The following PLEKHM3 variants were observed in gnomAD, a reference collection of about 807,000 sequenced individuals.
The protein encoded by PLEKHM3 is pleckstrin homology domain containing M3, also known as pleckstrin homology domain-containing family M member 3.
PLEKHM3 carries 45 observed loss-of-function variants against 81.8 expected under a neutral mutation model. That is an observed-to-expected ratio of 0.55 (90% CI 0.43 to 0.71). PLEKHM3 has a LOEUF of 0.71. PLEKHM3 is among the 30% of genes least tolerant of loss of function. The probability of loss-of-function intolerance (pLI) is 0.00; values close to 1 mark genes in which losing one functional copy is unlikely to be tolerated. For missense variants in PLEKHM3, 788 were observed against 924.3 expected (o/e 0.85, Z 1.91); for synonymous variants, 352 against 356.4 (o/e 0.99, Z 0.14).
intron 7 of PLEKHM3, among the ~76,000 whole-genome samples, chr2:207,839,981 A>C (rs908398764): frequency 6.6e-6 from 1 of 152,210 alleles, no homozygotes; most frequent in Admixed American, 6.5e-5. Context: ...CTCTAGACTT[A>C]GTGAATCATA....
At chr2:207,864,388 C>A (rs1270481081) in intron 6 of PLEKHM3, among the ~76,000 whole-genome samples, 1 of 152,160 alleles carries the variant, frequency 6.6e-6, no homozygotes, top group African/African-American at 2.4e-5. Context: ...CTTTTTAATG[C>A]GTGATGGGGT....
rs575174224 is a variant in PLEKHM3, at chr2:207,835,315, C to T, written c.2109-6819G>A. On this transcript the variant is annotated intron_variant, in intron 7 of 7. Coordinates refer to ENST00000427836, the MANE Select transcript of PLEKHM3 (RefSeq NM_001080475.3). ...GGGGTACTTACTACAGAGAGTAGAC[C>T]TCAGCTTGAGTGAGGAGCCCCGAGT... is the stretch of plus-strand genomic sequence containing the variant. Among the ~76,000 whole-genome samples the T allele has an allele frequency of 2.2e-4, 34 of 152,218 alleles. No homozygotes were observed. In the Middle Eastern group the frequency reaches 0.01, roughly 46 times the overall value.
chr2:207,863,138 G>C (rs141560061), intron 6 of PLEKHM3, among the ~76,000 whole-genome samples: 2 of 152,204 alleles, frequency 1.3e-5, no homozygotes, highest in East Asian at 1.9e-4. Context: ...GCATTTCTTC[G>C]AGGTCCAAGG....
Position 207,977,377 on chromosome 2 carries a change from T to C in PLEKHM3, c.820A>G (p.Arg274Gly). ...TCATACAAAACAGTATCCACCATCCTGGCCTCCAGGTTGCCTAAAACAGAT... is the reference window on the plus strand; with the variant it reads ...TCATACAAAACAGTATCCACCATCCCGGCCTCCAGGTTGCCTAAAACAGAT... Reference protein sequence around the residue: ...SISVLGNLEARMVDTVLYDNT... With the variant: ...SISVLGNLEAGMVDTVLYDNT... Residue 274 changes from arginine to glycine, a missense_variant, in exon 3 of 8, where the codon AGG (arginine) becomes GGG (glycine). Physicochemically the swap from Arg to Gly is moderately radical, Grantham distance 125. Transcript: ENST00000427836. The C allele has an allele frequency of 1.2e-6, 2 of 1,614,182 alleles. No homozygotes were observed. The highest frequency in any genetic ancestry group is 1.1e-5 in the South Asian group (1 of 91,088).
At chr2:207,878,699 T>G in intron 6 of PLEKHM3, among the ~76,000 whole-genome samples, 1 of 152,204 alleles carries the variant, frequency 6.6e-6, no homozygotes, top group East Asian at 1.9e-4. Context: ...GGGATAAAAC[T>G]GAGGCTTAGA....
At chr2:207,880,635 C>T (rs1433494011) in intron 6 of PLEKHM3, among the ~76,000 whole-genome samples, 6 of 144,088 alleles carry the variant, frequency 4.2e-5, no homozygotes, top group Admixed American at 1.4e-4. Context: ...TGTTGGCGGG[C>T]GCCTGTAGTC....
At chr2:207,858,174 G>GTATA (rs1553544950) in intron 7 of PLEKHM3, among the ~76,000 whole-genome samples, 2 of 123,254 alleles carry the variant, frequency 1.6e-5, no homozygotes, top group Admixed American at 8.2e-5. Flanking sequence ...GTGTGTGTGT[G>GTATA]TATATATTTT....
At chr2:207,919,139 G>A (rs1020518105) in intron 5 of PLEKHM3, among the ~76,000 whole-genome samples, 2 of 150,936 alleles carry the variant, frequency 1.3e-5, no homozygotes, top group African/African-American at 4.9e-5. Flanking sequence ...GAAACAAAAC[G>A]ATAAAAAAAA....
chr2:208,013,907 T>A (rs1291995654), intron 1 of PLEKHM3, among the ~76,000 whole-genome samples: 1 of 152,218 alleles, frequency 6.6e-6, no homozygotes, highest in Non-Finnish European at 1.5e-5. Flanking sequence ...AGTAAATGTA[T>A]GAGAGAAGTA....
intron 4 of PLEKHM3, among the ~76,000 whole-genome samples, chr2:207,936,150 T>C (rs1279561263): frequency 6.6e-6 from 1 of 152,136 alleles, no homozygotes; most frequent in African/African-American, 2.4e-5. Flanking sequence ...CAAGGCCTGG[T>C]TAATTTTTAA....
intron 7 of PLEKHM3, among the ~76,000 whole-genome samples, chr2:207,850,300 ACC>A (rs2092405765): frequency 6.6e-6 from 1 of 152,236 alleles, no homozygotes; most frequent in Non-Finnish European, 1.5e-5. Flanking sequence ...GATGGAGGAT[ACC>A]AACACCAGTT....
At chr2:207,870,076 C>T (rs897968834) in intron 6 of PLEKHM3, among the ~76,000 whole-genome samples, 22 of 152,194 alleles carry the variant, frequency 1.4e-4, no homozygotes, top group African/African-American at 5.3e-4. Context: ...TCATGTGTGG[C>T]ACCAGGAAAT....
chr2:207,991,884 A>T (rs1449473710), intron 2 of PLEKHM3, among the ~76,000 whole-genome samples: 1 of 152,204 alleles, frequency 6.6e-6, no homozygotes, highest in Non-Finnish European at 1.5e-5. Flanking sequence ...TAAGTCCTCG[A>T]CATTCACTAA....
intron 6 of PLEKHM3, 117 bp downstream of exon 6, chr2:207,908,397 C>T: frequency 1.1e-6 from 1 of 928,504 alleles, no homozygotes; most frequent in Non-Finnish European, 1.7e-6. Context: ...AAAGAATTAT[C>T]AGGGTTTCTG....
At chr2:207,882,533 A>T (rs1687729333) in intron 6 of PLEKHM3, among the ~76,000 whole-genome samples, 1 of 143,272 alleles carries the variant, frequency 7.0e-6, no homozygotes, top group Non-Finnish European at 1.5e-5. Context: ...AATCACTTGA[A>T]CCCGGGAGGC....
intron 6 of PLEKHM3, among the ~76,000 whole-genome samples, chr2:207,906,066 T>A (rs2105897254): frequency 6.6e-6 from 1 of 152,342 alleles, no homozygotes; most frequent in East Asian, 1.9e-4. Flanking sequence ...TTTCTCTTCA[T>A]CAGATATCAA....
At position 207,976,586 on chromosome 2, in the gene PLEKHM3, G is replaced by A; in HGVS notation, c.1546+65C>T. ...AGCCTATTAAGGGGATTTTTAAAGT[G>A]AATTCCAATTGTGGGGTTCAGGATT... On this transcript the variant is annotated intron_variant, in intron 3 of 7. Transcript: ENST00000427836. The surrounding 1 kb of genome is among the most constrained non-coding windows in gnomAD (Gnocchi z 4.1). The A allele has an allele frequency of 6.8e-7, 1 of 1,468,642 alleles. No individual in the cohort carries two copies. The highest frequency in any genetic ancestry group is 9.2e-7 in the Non-Finnish European group (1 of 1,088,016). 91.0% of individuals were successfully genotyped at this position (1,468,642 alleles called of 1,614,324 possible).
At chr2:207,833,295 C>T (rs556570899) in intron 7 of PLEKHM3, among the ~76,000 whole-genome samples, 1 of 152,300 alleles carries the variant, frequency 6.6e-6, no homozygotes, top group Admixed American at 6.5e-5. Context: ...AGAAATGTCC[C>T]TTTGGTGTTC....
chr2:207,949,695 T>A (rs1690266590), intron 3 of PLEKHM3, among the ~76,000 whole-genome samples: 2 of 152,178 alleles, frequency 1.3e-5, no homozygotes, highest in Non-Finnish European at 2.9e-5. Flanking sequence ...AATCCAATCC[T>A]TCCTAATGAC....
Sources: gnomAD v4.1 joint callset for allele counts (sites outside exome capture counted in the v4.1 genomes callset) on GRCh38, gnomAD v4.1.1 for gene constraint, Gnocchi (gnomAD v3.1) non-coding constraint, MANE v1.5 for transcripts, NCBI Gene and HGNC (gene_info 2026-07-23, HGNC 2026-07-21) for gene names.